Variants in GATAD2B observed in about 807,000 individuals in gnomAD.
GATAD2B encodes transcriptional repressor p66-beta.
In GATAD2B, 8 loss-of-function variants were observed where a neutral mutation model predicts 64.3. The observed-to-expected ratio is 0.12, with a 90% CI of 0.07 to 0.22. The LOEUF is 0.22. GATAD2B is among the 10% of genes least tolerant of loss of function. The probability of loss-of-function intolerance (pLI) is 1.00; values close to 1 mark genes in which losing one functional copy is unlikely to be tolerated. For missense variants in GATAD2B, 453 were observed against 752.0 expected, an observed-to-expected ratio of 0.60 and a Z score of 4.65; for synonymous variants, 281 against 271.3, an observed-to-expected ratio of 1.04 and a Z score of -0.35.
intron 1 of GATAD2B, among the ~76,000 whole-genome samples, chr1:153,848,432 C>T (rs1675763750): frequency 6.6e-6 from 1 of 152,132 alleles, no homozygotes; most frequent in South Asian, 2.1e-4. Flanking sequence ...GCTTTCTTCA[C>T]TTGGCTTTTG....
At chr1:153,864,272 C>T (rs1401823493) in intron 1 of GATAD2B, among the ~76,000 whole-genome samples, 1 of 152,144 alleles carries the variant, frequency 6.6e-6, no homozygotes, top group Non-Finnish European at 1.5e-5. Flanking sequence ...AGAGGGGATA[C>T]AGGAGAAGGA....
At chr1:153,904,295 T>G (rs1677863005) in intron 1 of GATAD2B, among the ~76,000 whole-genome samples, 1 of 150,006 alleles carries the variant, frequency 6.7e-6, no homozygotes, top group African/African-American at 2.4e-5. Context: ...AATAAATAAA[T>G]AAATAAATAA....
At chr1:153,881,114 G>A (rs774907896) in intron 1 of GATAD2B, among the ~76,000 whole-genome samples, 1 of 152,034 alleles carries the variant, frequency 6.6e-6, no homozygotes, top group Middle Eastern at 3.2e-3. Context: ...TTCCTAGACT[G>A]CAGGCCTTTC....
At position 153,823,545 on chromosome 1, in the gene GATAD2B, C is replaced by T. The variant is rs1674756613; in HGVS notation, c.336-3810G>A. ...ATTTTTTCTTGGTAGAGATGAGGTA[C>T]CACTATGTTGCCCAGACAGAGCTCA... is the stretch of plus-strand genomic sequence containing the variant. On this transcript the variant is annotated intron_variant, in intron 2 of 10. Coordinates refer to ENST00000368655, the MANE Select transcript of GATAD2B (RefSeq NM_020699.4). 2.0e-5 allele frequency among the ~76,000 whole-genome samples: 3 copies of T among 151,898 alleles called. No homozygotes were observed. In the South Asian group the frequency reaches 6.2e-4, roughly 32 times the overall value.
At chr1:153,834,148 G>A (rs964946512) in intron 1 of GATAD2B, among the ~76,000 whole-genome samples, 9 of 151,106 alleles carry the variant, frequency 6.0e-5, no homozygotes, top group Non-Finnish European at 1.2e-4. Flanking sequence ...GATTACAAAC[G>A]CCCACCACCA....
At position 153,807,320 on chromosome 1, in the gene GATAD2B, G is replaced by A. The variant is rs897805206; in HGVS notation, c.*2857C>T. ...ATGGATAGTAACAAGTAGACTTGGA[G>A]GGACACAAGGCAATCAGTGATGAAA... On this transcript the variant is annotated 3_prime_UTR_variant, in exon 11 of 11. Transcript: ENST00000368655. 1.3e-5 allele frequency: 2 copies of A among 152,088 alleles called. No individual in the cohort carries two copies. Among genetic ancestry groups the A allele is most frequent in the Non-Finnish European group, 2.9e-5 (2 of 68,036 alleles). The allele number at this position is 152,088 out of a possible 1,614,324, so 9.4% of individuals were successfully genotyped here.
At chr1:153,817,187 TA>T (rs1674506573) in intron 6 of GATAD2B, among the ~76,000 whole-genome samples, 184 bp downstream of exon 6, 1 of 152,252 alleles carries the variant, frequency 6.6e-6, no homozygotes, top group African/African-American at 2.4e-5. Context: ...CCTCCACTAC[TA>T]TTTTAATATA....
intron 1 of GATAD2B, chr1:153,852,551 C>T (rs1008497642): frequency 1.3e-6 from 1 of 769,014 alleles, no homozygotes; most frequent in East Asian, 2.4e-5. Context: ...TTTTCCACTC[C>T]ACCCATGAGA....
intron 1 of GATAD2B, among the ~76,000 whole-genome samples, chr1:153,832,408 C>T (rs1354231554): frequency 6.6e-6 from 1 of 152,184 alleles, no homozygotes; most frequent in African/African-American, 2.4e-5. Flanking sequence ...AATTCAGAAT[C>T]AGGCCCTAAC....
chr1:153,887,625 G>A (rs1226381335), intron 1 of GATAD2B, among the ~76,000 whole-genome samples: 1 of 151,990 alleles, frequency 6.6e-6, no homozygotes, highest in Non-Finnish European at 1.5e-5. Context: ...TTTTTAAAGA[G>A]ACAAGGTTTC....
In GATAD2B at chr1:153,806,146, A is replaced by G. The variant is rs1373276574; in HGVS notation, c.*4031T>C. ...GTATATATGCTGATGCAATCAGAGG[A>G]AAAAAACAGTGCAAATACAATTACA... On this transcript the variant is annotated 3_prime_UTR_variant, in exon 11 of 11. Transcript: ENST00000368655. 2 of 152,134 alleles carry G rather than the reference A, an allele frequency of 1.3e-5. No homozygotes were observed. The highest frequency in any genetic ancestry group is 2.9e-5 in the Non-Finnish European group (2 of 68,016). The allele number at this position is 152,134 out of a possible 1,614,324, so 9.4% of individuals were successfully genotyped here. A position where few individuals can be genotyped will look rare whatever the true frequency, so the allele number is the denominator to read the frequency against.
At chr1:153,848,139 T>C (rs914547019) in intron 1 of GATAD2B, among the ~76,000 whole-genome samples, 1 of 152,174 alleles carries the variant, frequency 6.6e-6, no homozygotes, top group African/African-American at 2.4e-5. Context: ...TCTTACACCT[T>C]AGAAAATTCT....
At chr1:153,889,855 A>G (rs1305093411) in intron 1 of GATAD2B, among the ~76,000 whole-genome samples, 1 of 152,216 alleles carries the variant, frequency 6.6e-6, no homozygotes, top group Non-Finnish European at 1.5e-5. Context: ...CAGGAAATTT[A>G]CAAACATCTA....
intron 1 of GATAD2B, among the ~76,000 whole-genome samples, chr1:153,865,812 A>G (rs1676458700): frequency 6.6e-6 from 1 of 152,194 alleles, no homozygotes; most frequent in Non-Finnish European, 1.5e-5. Context: ...ACAGGGAAAG[A>G]GCAATGATTT....
chr1:153,813,298 G>A lies in GATAD2B; in HGVS notation c.1371C>T (p.His457=). The change falls in exon 8 of 11, where the codon CAC becomes CAT. Residue 457 remains histidine (H), a synonymous_variant. Coordinates refer to ENST00000368655, the MANE Select transcript of GATAD2B (RefSeq NM_020699.4). The part of the protein sequence containing the change: ...SNQKKALKAE[H]TNRLKNAFVK... ...CAAATGCATTTTTCAGCCGGTTGGT[G>A]TGTTCAGCTTTTAGAGCCTTTTTCT... 6.2e-7 allele frequency: 1 copy of A among 1,614,072 alleles called. No homozygotes were observed.
At chr1:153,833,399 C>T (rs962399347) in intron 1 of GATAD2B, among the ~76,000 whole-genome samples, 4 of 152,164 alleles carry the variant, frequency 2.6e-5, no homozygotes, top group African/African-American at 9.7e-5. Context: ...ATTGACAATG[C>T]ACCCAGTCAC....
intron 1 of GATAD2B, among the ~76,000 whole-genome samples, chr1:153,908,509 G>T (rs888368288): frequency 6.7e-6 from 1 of 150,126 alleles, no homozygotes; most frequent in African/African-American, 2.5e-5. Flanking sequence ...ACGGAGTTTC[G>T]CTCGTTGCCC....
intron 1 of GATAD2B, among the ~76,000 whole-genome samples, chr1:153,884,528 G>C (rs1342685708): frequency 1.3e-5 from 2 of 152,134 alleles, no homozygotes; most frequent in Non-Finnish European, 2.9e-5. Flanking sequence ...TCTGAACCTG[G>C]GAGGATGACG....
intron 8 of GATAD2B, 79 bp from the exon 9 acceptor site, chr1:153,812,211 A>T: frequency 1.4e-6 from 1 of 740,722 alleles, no homozygotes; most frequent in Non-Finnish European, 2.3e-6. Flanking sequence ...TTTTTTTTAA[A>T]CAGAGACACA....
Sources: gnomAD v4.1 joint callset for allele counts (sites outside exome capture counted in the v4.1 genomes callset) on GRCh38, gnomAD v4.1.1 for gene constraint, MANE v1.5 for transcripts, NCBI Gene and HGNC (gene_info 2026-07-23, HGNC 2026-07-21) for gene names.